Variants in ARHGAP26 observed in about 807,000 individuals in gnomAD.
ARHGAP26 encodes Rho GTPase activating protein 26.
Under a neutral mutation model 104.8 loss-of-function variants are expected in ARHGAP26, and 38 were observed. The ratio of observed to expected loss-of-function variants is 0.36; its 90% CI spans 0.28 to 0.48. The LOEUF (loss-of-function observed/expected upper bound fraction) is 0.48. ARHGAP26 is among the 20% of genes least tolerant of loss of function. The pLI, the probability that ARHGAP26 is intolerant of heterozygous loss-of-function variation, is 0.99. For synonymous variants in ARHGAP26, 341 were observed against 340.0 expected, an observed-to-expected ratio of 1.00 and a Z score of -0.03; for missense variants, 704 against 947.9, an observed-to-expected ratio of 0.74 and a Z score of 3.38.
intron 19 of ARHGAP26, among the ~76,000 whole-genome samples, chr5:143,145,925 G>A (rs1799101807): frequency 6.6e-6 from 1 of 152,054 alleles, no homozygotes; most frequent in East Asian, 1.9e-4. Flanking sequence ...TACATGACTC[G>A]TGCAAAGGGA....
intron 1 of ARHGAP26, among the ~76,000 whole-genome samples, chr5:142,821,272 C>T (rs1303937694): frequency 6.8e-6 from 1 of 147,428 alleles, no homozygotes; most frequent in Non-Finnish European, 1.5e-5. Flanking sequence ...GTGTTGGCAG[C>T]AGTTGGCAGG....
intron 12 of ARHGAP26, among the ~76,000 whole-genome samples, chr5:143,025,479 T>C (rs916435613): frequency 1.3e-5 from 2 of 152,226 alleles, no homozygotes; most frequent in Admixed American, 1.3e-4. Context: ...AAGCTGATGA[T>C]GATCTCTTTC....
chr5:143,044,818 G>A (rs1783997899), intron 14 of ARHGAP26, among the ~76,000 whole-genome samples: 1 of 152,192 alleles, frequency 6.6e-6, no homozygotes, highest in Non-Finnish European at 1.5e-5. Context: ...GAAGTTGGTT[G>A]TAATAGATCA....
chr5:143,167,014 G>T (rs1401454567), intron 20 of ARHGAP26, among the ~76,000 whole-genome samples: 1 of 152,176 alleles, frequency 6.6e-6, no homozygotes, highest in Non-Finnish European at 1.5e-5. Context: ...TCTGGATAAA[G>T]AACTAGCTAC....
At chr5:143,147,103 G>A (rs1248353939) in intron 19 of ARHGAP26, 128 bp from the exon 20 acceptor site, 1 of 1,162,526 alleles carries the variant, frequency 8.6e-7, no homozygotes, top group Non-Finnish European at 1.2e-6. Flanking sequence ...TTTCTATGTT[G>A]TTTCTTAAGC....
At chr5:143,147,121 G>T in intron 19 of ARHGAP26, 110 bp from the exon 20 acceptor site, 5 of 1,266,406 alleles carry the variant, frequency 3.9e-6, no homozygotes, top group South Asian at 1.6e-5. Context: ...AGCTTCCCTG[G>T]GATCAGAGAT....
chr5:142,894,725 A>T (rs1759225245), intron 6 of ARHGAP26, among the ~76,000 whole-genome samples: 1 of 152,170 alleles, frequency 6.6e-6, no homozygotes, highest in East Asian at 1.9e-4. Context: ...CTCTTCCTCA[A>T]ATAATTCAGA....
intron 17 of ARHGAP26, among the ~76,000 whole-genome samples, chr5:143,105,595 G>C: frequency 6.6e-6 from 1 of 152,080 alleles, no homozygotes; most frequent in Non-Finnish European, 1.5e-5. Context: ...GTTTGTGTGT[G>C]GACATGTGTG....
chr5:143,038,157 C>G (rs1309681330), intron 13 of ARHGAP26, among the ~76,000 whole-genome samples: 1 of 152,186 alleles, frequency 6.6e-6, no homozygotes, highest in Admixed American at 6.5e-5. Flanking sequence ...TATTTACTCA[C>G]AGCCTCTCAG....
rs370214855 is a variant in ARHGAP26 at position 143,072,041 on chromosome 5, A to G, written c.1538+14294A>G. The stretch of plus-strand genomic sequence containing the variant: ...TGTTTGCAAACTACTTATCTGATCT[A>G]TTATATACAAGGAACTCAAACATCT... On this transcript the variant is annotated intron_variant, in intron 17 of 22. Coordinates refer to ENST00000645722, the MANE Select transcript of ARHGAP26 (RefSeq NM_001135608.3). 2.2e-4 allele frequency among the ~76,000 whole-genome samples: 34 copies of G among 152,302 alleles called. No homozygotes were observed. In the East Asian group the frequency reaches 4.6e-3, roughly 21 times the overall value.
chr5:142,936,607 C>G (rs1765453193), intron 11 of ARHGAP26, among the ~76,000 whole-genome samples: 1 of 152,144 alleles, frequency 6.6e-6, no homozygotes, highest in Admixed American at 6.5e-5. Flanking sequence ...AGTAGTCTGT[C>G]TACCCTATTT....
At chr5:143,012,576 T>TATATATATATATACATA in intron 11 of ARHGAP26, among the ~76,000 whole-genome samples, 1 of 57,044 alleles carries the variant, frequency 1.8e-5, no homozygotes, top group Non-Finnish European at 5.2e-5. Context: ...TATATATATA[T>TATATATATATATACATA]TATGATCAGG....
intron 5 of ARHGAP26, among the ~76,000 whole-genome samples, chr5:142,886,229 C>A (rs924100309): frequency 6.6e-6 from 1 of 152,160 alleles, no homozygotes; most frequent in Non-Finnish European, 1.5e-5. Flanking sequence ...TCCAGGCCGG[C>A]CCTTTTTTTA....
At chr5:142,858,606 G>A (rs1752796940) in intron 1 of ARHGAP26, among the ~76,000 whole-genome samples, 1 of 152,160 alleles carries the variant, frequency 6.6e-6, no homozygotes, top group Non-Finnish European at 1.5e-5. Flanking sequence ...TATTTATTTA[G>A]AAACATTATT....
intron 10 of ARHGAP26, among the ~76,000 whole-genome samples, chr5:142,916,813 A>AGG (rs1762541727): frequency 6.6e-6 from 1 of 152,200 alleles, no homozygotes; most frequent in Non-Finnish European, 1.5e-5. Context: ...AGGAGGAGTG[A>AGG]GGCAACTGGT....
chr5:142,918,055 A>T (rs1453758228), intron 10 of ARHGAP26, among the ~76,000 whole-genome samples: 1 of 152,212 alleles, frequency 6.6e-6, no homozygotes, highest in Non-Finnish European at 1.5e-5. Flanking sequence ...AATCAAATTA[A>T]GTGTTAATCC....
intron 11 of ARHGAP26, among the ~76,000 whole-genome samples, chr5:143,012,548 C>CGTATATATAT (rs1554195583): frequency 4.3e-5 from 1 of 23,352 alleles, no homozygotes; most frequent in Non-Finnish European, 1.1e-4. Context: ...TATATACATA[C>CGTATATATAT]ATACATATAT....
chr5:142,903,727 G>A, intron 8 of ARHGAP26, 58 bp downstream of exon 8: 2 of 1,576,970 alleles, frequency 1.3e-6, no homozygotes, highest in East Asian at 2.3e-5. Flanking sequence ...CCTAGAAGGT[G>A]GAGGATGTAT....
chr5:142,960,718 T>C lies in ARHGAP26; in HGVS notation c.1107+28593T>C, dbSNP rs551848515. ...TAATTTATTGAGAAAAGTAGTTCACTTTAGTGGAACCCCAGTGGCTTCTCA... is the reference window on the plus strand; with the variant it reads ...TAATTTATTGAGAAAAGTAGTTCACCTTAGTGGAACCCCAGTGGCTTCTCA... On this transcript the variant is annotated intron_variant, in intron 11 of 22. Transcript: ENST00000645722. Among the ~76,000 whole-genome samples, 10 of 152,346 alleles carry C rather than the reference T, an allele frequency of 6.6e-5. No homozygotes were observed. In the South Asian group the frequency reaches 2.1e-3, roughly 32 times the overall value.
Sources: allele counts gnomAD v4.1 joint callset (sites outside exome capture counted in the v4.1 genomes callset), GRCh38; gene constraint gnomAD v4.1.1; transcripts MANE v1.5; gene names NCBI Gene and HGNC (gene_info 2026-07-23, HGNC 2026-07-21).